The following CLIP4 variants were observed in gnomAD, a reference collection of about 807,000 sequenced individuals.
CLIP4 encodes CAP-Gly domain-containing linker protein 4.
In CLIP4, 47 loss-of-function variants were observed where a neutral mutation model predicts 73.1. The ratio of observed to expected loss-of-function variants is 0.64; its 90% confidence interval spans 0.51 to 0.82. The LOEUF (loss-of-function observed/expected upper bound fraction) is 0.82, where lower values mean the gene tolerates loss of function less well. CLIP4 is among the 40% of genes least tolerant of loss of function. CLIP4 has a pLI of 0.00. For missense variants in CLIP4, 874 were observed against 852.9 expected (o/e 1.02, Z -0.31); for synonymous variants, 306 against 295.4 (o/e 1.04, Z -0.37).
intron 2 of CLIP4, among the ~76,000 whole-genome samples, chr2:29,129,127 T>C (rs377310430): frequency 1.4e-3 from 210 of 152,302 alleles, no homozygotes; most frequent in African/African-American, 4.5e-3. Context: ...TTTTTCTTGC[T>C]GAGAAATTTT....
chr2:29,131,561 A>G lies in CLIP4; in HGVS notation c.273+164A>G, dbSNP rs915667389. ...TCATGGGGCAGTGAGTTAATACTAT[A>G]TATTCTTCTGATTATTTCTTCATGC... On this transcript the variant is annotated intron_variant, in intron 3 of 15. Coordinates refer to ENST00000320081, the MANE Select transcript of CLIP4 (RefSeq NM_024692.6). 15 of 627,916 alleles carry G rather than the reference A, an allele frequency of 2.4e-5. No homozygotes were observed. The East Asian group carries it at 4.3e-4, about 18-fold the overall frequency. 38.9% of individuals were successfully genotyped at this position (627,916 alleles called of 1,614,324 possible).
At chr2:29,130,974 A>G in intron 2 of CLIP4, 1 of 1,179,998 alleles carries the variant, frequency 8.5e-7, no homozygotes, top group Admixed American at 2.7e-5. Context: ...TTTGCCACTT[A>G]CTAGCTGTGC....
chr2:29,183,544 A>C lies in CLIP4; in HGVS notation c.*1651A>C, dbSNP rs760058251. 7.2e-5 allele frequency: 11 copies of C among 152,790 alleles called. No individual in the cohort carries two copies. The East Asian group carries it at 1.9e-3, about 27-fold the overall frequency. 9.5% of individuals were successfully genotyped at this position (152,790 alleles called of 1,614,324 possible). On this transcript the variant is annotated 3_prime_UTR_variant, in exon 16 of 16. Transcript: ENST00000320081. The stretch of plus-strand genomic sequence containing the variant: ...TTAACATGAAATCCATGACCACACC[A>C]AACTTGGTTATTCATAATTTTTCCT...
At chr2:29,168,535 TTTTTTTG>T (rs1667780272) in intron 14 of CLIP4, among the ~76,000 whole-genome samples, 1 of 135,962 alleles carries the variant, frequency 7.4e-6, no homozygotes, top group Non-Finnish European at 1.6e-5. Flanking sequence ...TTTTTTTTTT[TTTTTTTG>T]AGACGAGTCT....
At chr2:29,116,027 A>G (rs919103116) in intron 1 of CLIP4, among the ~76,000 whole-genome samples, 16 of 152,242 alleles carry the variant, frequency 1.1e-4, no homozygotes, top group African/African-American at 3.6e-4. Flanking sequence ...CCGCACGCGC[A>G]GTGGCTTTCC....
At chr2:29,156,225 C>T (rs1398688339) in intron 9 of CLIP4, 129 bp from the exon 10 acceptor site, 3 of 596,748 alleles carry the variant, frequency 5.0e-6, no homozygotes, top group East Asian at 3.1e-5. Context: ...TATGTCTGTG[C>T]AGTTGTTATC....
chr2:29,109,368 A>ATT (rs147274446), intron 1 of CLIP4, among the ~76,000 whole-genome samples: 4 of 152,128 alleles, frequency 2.6e-5, no homozygotes, highest in African/African-American at 9.6e-5. Flanking sequence ...GAAGACTTCA[A>ATT]TTTTTTTTAA....
chr2:29,113,938 T>G (rs1444521451), upstream of CLIP4: 2 of 152,086 alleles, frequency 1.3e-5, no homozygotes, highest in African/African-American at 4.8e-5. This position sits in a 1 kb window ranked among gnomAD's most constrained non-coding sequence, Gnocchi z 4.0. Flanking sequence ...GAAGAGGGTA[T>G]GATGAAAGCA....
intron 8 of CLIP4, among the ~76,000 whole-genome samples, chr2:29,151,715 C>A (rs1017579679): frequency 1.3e-5 from 2 of 152,122 alleles, no homozygotes; most frequent in African/African-American, 4.8e-5. Context: ...CCATTTTAGT[C>A]ATAATGTATA....
At chr2:29,176,559 C>T (rs1328177941) in intron 15 of CLIP4, among the ~76,000 whole-genome samples, 2 of 152,084 alleles carry the variant, frequency 1.3e-5, no homozygotes, top group Non-Finnish European at 2.9e-5. Flanking sequence ...CGTTTCATCC[C>T]GAGGAAGACA....
chr2:29,119,889 A>G lies in CLIP4; in HGVS notation c.-15-1485A>G, dbSNP rs139301293. Among the ~76,000 whole-genome samples, 8 of 152,306 alleles carry G rather than the reference A, an allele frequency of 5.3e-5. No individual in the cohort carries two copies. The East Asian group carries it at 1.2e-3, about 22-fold the overall frequency. On this transcript the variant is annotated intron_variant, in intron 1 of 15. Coordinates refer to ENST00000320081, the MANE Select transcript of CLIP4 (RefSeq NM_024692.6). ...CAGATCCCATTCTGCCTCATAATCT[A>G]TAGTTATTAGTGGTATTTTATTCAC...
chr2:29,124,143 C>T (rs1370189784), intron 2 of CLIP4, among the ~76,000 whole-genome samples: 1 of 152,162 alleles, frequency 6.6e-6, no homozygotes, highest in Non-Finnish European at 1.5e-5. Flanking sequence ...TTTCCTTCCG[C>T]CTGAAGCACT....
intron 8 of CLIP4, among the ~76,000 whole-genome samples, chr2:29,150,885 G>T (rs1265895397): frequency 6.6e-6 from 1 of 151,962 alleles, no homozygotes; most frequent in African/African-American, 2.4e-5. Context: ...CTCCTAAATG[G>T]CTGGGATTAC....
chr2:29,140,975 TTACTC>T (rs1268179785), intron 6 of CLIP4, among the ~76,000 whole-genome samples: 1 of 152,202 alleles, frequency 6.6e-6, no homozygotes, highest in Non-Finnish European at 1.5e-5. Flanking sequence ...GTTTTGTACT[TTACTC>T]TTAACACTGC....
chr2:29,164,699 G>A (rs887189093), intron 13 of CLIP4, among the ~76,000 whole-genome samples: 1 of 152,116 alleles, frequency 6.6e-6, no homozygotes, highest in Non-Finnish European at 1.5e-5. Flanking sequence ...ACCTACGATC[G>A]CAATCTGGGA....
intron 6 of CLIP4, among the ~76,000 whole-genome samples, chr2:29,142,486 C>G (rs188197420): frequency 8.1e-4 from 123 of 152,180 alleles, no homozygotes; most frequent in African/African-American, 3.0e-3. Flanking sequence ...CTATTTTTCT[C>G]TCTCTGTTTT....
At chr2:29,098,211 T>C (rs1667932583) in intron 1 of CLIP4, among the ~76,000 whole-genome samples, 1 of 152,232 alleles carries the variant, frequency 6.6e-6, no homozygotes, top group African/African-American at 2.4e-5. Context: ...AATTGACTTT[T>C]TTTCTTCTTA....
intron 13 of CLIP4, among the ~76,000 whole-genome samples, chr2:29,166,530 GACACAC>G (rs55833657): frequency 0.17 from 24,607 of 146,960 alleles, 2,187 homozygotes; most frequent in Middle Eastern, 0.24. Context: ...TACACACACA[GACACAC>G]ACACACACAC....
intron 15 of CLIP4, among the ~76,000 whole-genome samples, chr2:29,175,124 C>CT (rs1350540219): frequency 1.3e-5 from 2 of 152,068 alleles, no homozygotes; most frequent in Non-Finnish European, 2.9e-5. Context: ...TAATGGGACC[C>CT]TAGGAGCCAC....
Sources: gnomAD v4.1 joint callset for allele counts (sites outside exome capture counted in the v4.1 genomes callset) on GRCh38, gnomAD v4.1.1 for gene constraint, Gnocchi (gnomAD v3.1) non-coding constraint, MANE v1.5 for transcripts, NCBI Gene and HGNC (gene_info 2026-07-23, HGNC 2026-07-21) for gene names.